The following GALNT13 variants were observed in gnomAD, a reference collection of about 807,000 sequenced individuals.
GALNT13 encodes the protein polypeptide N-acetylgalactosaminyltransferase 13.
A neutral mutation model predicts 64.2 loss-of-function variants in GALNT13; 28 were observed. The observed-to-expected ratio is 0.44, with a 90% CI of 0.32 to 0.60. The LOEUF (loss-of-function observed/expected upper bound fraction) is 0.60, where lower values mean the gene tolerates loss of function less well. Ranked by LOEUF, GALNT13 falls within the 20% of genes least tolerant of loss-of-function variation. The pLI, the probability that GALNT13 is intolerant of heterozygous loss-of-function variation, is 0.05. For missense variants in GALNT13, 577 were observed against 669.8 expected, an observed-to-expected ratio of 0.86 and a Z score of 1.53; for synonymous variants, 214 against 224.6, an observed-to-expected ratio of 0.95 and a Z score of 0.42.
chr2:153,462,106 C>CT, the GALNT13 span, among the ~76,000 whole-genome samples: 20 of 149,242 alleles, frequency 1.3e-4, no homozygotes, highest in Admixed American at 2.0e-4. Context: ...GAGATTTTCA[C>CT]TTTTTTTTTT....
chr2:154,192,377 G>A (rs1256167191), intron 4 of GALNT13, among the ~76,000 whole-genome samples: 1 of 152,136 alleles, frequency 6.6e-6, no homozygotes, highest in Non-Finnish European at 1.5e-5. Flanking sequence ...GCGGGTCCAG[G>A]CCCGGGGGTG....
intron 9 of GALNT13, among the ~76,000 whole-genome samples, chr2:154,311,102 T>A (rs1278203259): frequency 6.6e-6 from 1 of 151,998 alleles, no homozygotes. Flanking sequence ...TTGAAGTACT[T>A]TTTTATCACT....
At chr2:154,398,326 A>G (rs116735297) in intron 10 of GALNT13, among the ~76,000 whole-genome samples, 1,812 of 152,328 alleles carry the variant, frequency 0.012, 16 homozygotes, top group Middle Eastern at 0.082. Context: ...GGGGCCACCA[A>G]GGTGACTCCT....
At chr2:154,138,363 G>A (rs930894083) in intron 3 of GALNT13, among the ~76,000 whole-genome samples, 26 of 151,992 alleles carry the variant, frequency 1.7e-4, no homozygotes, top group African/African-American at 6.3e-4. Context: ...GGATAAAGAA[G>A]GTTTTGTTCC....
At chr2:153,165,410 A>G in the GALNT13 span, among the ~76,000 whole-genome samples, 3 of 152,180 alleles carry the variant, frequency 2.0e-5, no homozygotes, top group African/African-American at 7.2e-5. Context: ...ATTCCTCATA[A>G]TTCTTATACC....
intron 3 of GALNT13, among the ~76,000 whole-genome samples, chr2:153,972,345 A>T (rs186639604): frequency 3.9e-5 from 6 of 152,120 alleles, no homozygotes; most frequent in African/African-American, 1.2e-4. Flanking sequence ...TTCAGTCCGG[A>T]TATTGATGTG....
At chr2:153,562,156 T>C in the GALNT13 span, among the ~76,000 whole-genome samples, 1 of 151,562 alleles carries the variant, frequency 6.6e-6, no homozygotes, top group East Asian at 1.9e-4. Flanking sequence ...TATTATTTTT[T>C]TCTGAACCAT....
the GALNT13 span, among the ~76,000 whole-genome samples, chr2:153,596,050 G>A: frequency 1.3e-5 from 2 of 152,286 alleles, no homozygotes; most frequent in South Asian, 4.1e-4. Flanking sequence ...AGGCTCAGCT[G>A]GGCTGATCAT....
intron 3 of GALNT13, among the ~76,000 whole-genome samples, chr2:153,952,975 G>A (rs1290831631): frequency 6.6e-6 from 1 of 152,284 alleles, no homozygotes; most frequent in East Asian, 1.9e-4. Context: ...TCCTCTGCCT[G>A]CTTTTATCCT....
At chr2:153,901,684 G>A (rs1287544209) in intron 2 of GALNT13, among the ~76,000 whole-genome samples, 1 of 152,050 alleles carries the variant, frequency 6.6e-6, no homozygotes. Context: ...GAGTAAATGA[G>A]TATTTTGTGA....
At chr2:153,778,137 C>T in the GALNT13 span, among the ~76,000 whole-genome samples, 2 of 152,148 alleles carry the variant, frequency 1.3e-5, no homozygotes, top group African/African-American at 4.8e-5. Context: ...TGCCGGTGTG[C>T]TCCTATCCTG....
chr2:153,091,766 C>T, the GALNT13 span, among the ~76,000 whole-genome samples: 1 of 152,164 alleles, frequency 6.6e-6, no homozygotes, highest in Non-Finnish European at 1.5e-5. Context: ...GGGTAGTTTG[C>T]AAATAATTTC....
At chr2:153,651,986 C>G in the GALNT13 span, among the ~76,000 whole-genome samples, 1 of 152,132 alleles carries the variant, frequency 6.6e-6, no homozygotes, top group African/African-American at 2.4e-5. Context: ...TTCCCGGGTA[C>G]TATCTAGCTG....
chr2:153,437,493 T>G, the GALNT13 span, among the ~76,000 whole-genome samples: 15 of 152,186 alleles, frequency 9.9e-5, no homozygotes, highest in Admixed American at 2.0e-4. Flanking sequence ...GGACTTGCTT[T>G]ATGAATCTGG....
At chr2:154,089,482 G>A (rs1015375110) in intron 3 of GALNT13, among the ~76,000 whole-genome samples, 3 of 152,028 alleles carry the variant, frequency 2.0e-5, no homozygotes, top group Non-Finnish European at 4.4e-5. Context: ...GTCAGACAAA[G>A]GAATAAAGCC....
the GALNT13 span, among the ~76,000 whole-genome samples, chr2:153,573,403 T>A: frequency 6.6e-6 from 1 of 151,970 alleles, no homozygotes. Context: ...ATTCACCCCA[T>A]ATTTTGTCTT....
At chr2:153,882,427 C>T (rs1430593246) in intron 1 of GALNT13, among the ~76,000 whole-genome samples, 4 of 152,024 alleles carry the variant, frequency 2.6e-5, no homozygotes, top group African/African-American at 4.8e-5. Context: ...CCTAACTATC[C>T]ACTCTTAACA....
the GALNT13 span, among the ~76,000 whole-genome samples, chr2:153,163,878 C>G: frequency 6.6e-6 from 1 of 151,838 alleles, no homozygotes; most frequent in South Asian, 2.1e-4. Context: ...ATTGGCCGGG[C>G]GTGGTGGCGG....
At chr2:153,867,996 G>A (rs535887867), upstream of GALNT13, among the ~76,000 whole-genome samples, 27 of 152,218 alleles carry the variant, frequency 1.8e-4, no homozygotes, top group African/African-American at 6.3e-4. Context: ...TCTGTGGTTC[G>A]GGGGTTGCAG....
Sources: allele counts gnomAD v4.1 joint callset (sites outside exome capture counted in the v4.1 genomes callset), GRCh38; gene constraint gnomAD v4.1.1; transcripts MANE v1.5; gene names NCBI Gene and HGNC (gene_info 2026-07-23, HGNC 2026-07-21).